The following RNF111 variants were observed in gnomAD, a reference collection of about 807,000 sequenced individuals.
The protein encoded by RNF111 is ring finger protein 111, also known as E3 ubiquitin-protein ligase Arkadia.
RNF111 carries 17 observed loss-of-function variants against 95.1 expected under a neutral mutation model. The observed-to-expected ratio is 0.18, with a 90% CI of 0.12 to 0.27. The LOEUF (loss-of-function observed/expected upper bound fraction) is 0.27, where lower values mean the gene tolerates loss of function less well. Ranked by LOEUF, RNF111 falls within the 10% of genes least tolerant of loss-of-function variation. The pLI, the probability that RNF111 is intolerant of heterozygous loss-of-function variation, is 1.00. For missense variants in RNF111, 1,189 were observed against 1,210.4 expected (o/e 0.98, Z 0.26); for synonymous variants, 440 against 414.8 (o/e 1.06, Z -0.74).
chr15:58,996,251 G>T (rs567206095), intron 1 of RNF111, among the ~76,000 whole-genome samples: 18 of 152,202 alleles, frequency 1.2e-4, no homozygotes, highest in Non-Finnish European at 2.1e-4. Flanking sequence ...GAAGAAAACT[G>T]TTGCTTTTTA....
chr15:59,080,861 C>A (rs1244477525), intron 7 of RNF111, 75 bp from the exon 8 acceptor site: 1 of 1,146,504 alleles, frequency 8.7e-7, no homozygotes, highest in South Asian at 1.5e-5. Context: ...TAAAAGTACA[C>A]TAGGAATGTA....
At chr15:59,078,893 G>C (rs1374478107) in intron 7 of RNF111, among the ~76,000 whole-genome samples, 1 of 151,742 alleles carries the variant, frequency 6.6e-6, no homozygotes, top group Non-Finnish European at 1.5e-5. Flanking sequence ...GAGAGGTATA[G>C]GTAAGGCTAC....
rs1411695049 is a variant in RNF111 at position 59,055,969 on chromosome 15, A to AT, written c.1171+130dup. 8 of 735,924 alleles carry AT rather than the reference A, an allele frequency of 1.1e-5. 1 individual carries two copies. The highest frequency in any genetic ancestry group is 3.2e-5 in the East Asian group (1 of 31,560). The allele number at this position is 735,924 out of a possible 1,614,324, so 45.6% of individuals were successfully genotyped here. On this transcript the variant is annotated intron_variant, in intron 4 of 13. Coordinates refer to ENST00000348370, the MANE Select transcript of RNF111 (RefSeq NM_017610.8). ...TATTAAACTACAGGGAAATTGTCAG[A>AT]TTTTTTAATCTCGTTTTTAATTGAT...
intron 10 of RNF111, among the ~76,000 whole-genome samples, chr15:59,086,581 T>C (rs1285818346): frequency 1.3e-5 from 2 of 152,246 alleles, no homozygotes; most frequent in African/African-American, 4.8e-5. Context: ...GGGAATAGTT[T>C]TGTGTTGTTG....
At chr15:59,022,973 G>A (rs759675242) in intron 1 of RNF111, among the ~76,000 whole-genome samples, 3 of 152,308 alleles carry the variant, frequency 2.0e-5, no homozygotes, top group South Asian at 2.1e-4. Context: ...TTGGCTGGGC[G>A]CGGTGGCTTA....
intron 1 of RNF111, among the ~76,000 whole-genome samples, chr15:59,013,270 C>G (rs555961301): frequency 6.6e-6 from 1 of 152,294 alleles, no homozygotes; most frequent in African/African-American, 2.4e-5. Context: ...CACTCAGTTA[C>G]CCTTGTTGTT....
At chr15:58,999,631 C>T (rs150335715) in intron 1 of RNF111, among the ~76,000 whole-genome samples, 3 of 152,222 alleles carry the variant, frequency 2.0e-5, no homozygotes, top group East Asian at 1.9e-4. Context: ...CCACTGTGCC[C>T]GGCCTATTAC....
chr15:59,088,992 A>C (rs2078975114), intron 10 of RNF111, among the ~76,000 whole-genome samples: 2 of 152,182 alleles, frequency 1.3e-5, no homozygotes, highest in Non-Finnish European at 1.5e-5. Context: ...AACAGTCTGC[A>C]AACAAGACAC....
intron 1 of RNF111, among the ~76,000 whole-genome samples, chr15:58,998,593 TGAAA>T (rs1209018760): frequency 6.6e-6 from 1 of 152,176 alleles, no homozygotes; most frequent in Non-Finnish European, 1.5e-5. Context: ...CATTTTTACT[TGAAA>T]GAAGCAAACT....
intron 1 of RNF111, among the ~76,000 whole-genome samples, chr15:59,015,708 G>A (rs1170438605): frequency 6.6e-6 from 1 of 151,480 alleles, no homozygotes; most frequent in Admixed American, 6.6e-5. Flanking sequence ...TGTTTGAAGT[G>A]AATATTCTTC....
chr15:59,082,559 C>T (rs1443105013), intron 8 of RNF111, among the ~76,000 whole-genome samples: 2 of 152,106 alleles, frequency 1.3e-5, no homozygotes, highest in Non-Finnish European at 2.9e-5. Context: ...TCTAATTCTG[C>T]CTACTGATTT....
Position 59,011,936 on chromosome 15 carries a change from G to A in RNF111, c.-19-18868G>A, listed in dbSNP as rs140481464. 9.0e-3 allele frequency among the ~76,000 whole-genome samples: 1,364 copies of A among 150,772 alleles called. 8 individuals carry two copies. Among genetic ancestry groups the A allele is most frequent in the Middle Eastern group, 0.017 (5 of 288 alleles). On this transcript the variant is annotated intron_variant, in intron 1 of 13. Coordinates refer to ENST00000348370, the MANE Select transcript of RNF111 (RefSeq NM_017610.8). ...ACCAAACTAGGATTGTCAAAGTTGG[G>A]ACCAAAGATTCCTAGCTTATATAAG...
Position 59,031,367 on chromosome 15 carries a change from A to C in RNF111, c.545A>C (p.His182Pro). Residue 182 changes from histidine to proline, a missense_variant, in exon 2 of 14, where the codon CAT (histidine) becomes CCT (proline). Around this residue, in one of 2 missense-constraint regions of RNF111, gnomAD observed 1,024 missense variants for 925.9 expected, o/e 1.11. Coordinates refer to ENST00000348370, the MANE Select transcript of RNF111 (RefSeq NM_017610.8). Reference protein sequence around the residue: ...AKSRSHSARSHKWPRTETESV... With the variant: ...AKSRSHSARSPKWPRTETESV... ...AGTAGAAGCCATAGTGCACGGTCTC[A>C]TAAGTGGCCTCGGACTGAGACAGAA... 1.2e-6 allele frequency: 2 copies of C among 1,614,196 alleles called. No individual in the cohort carries two copies. The highest frequency in any genetic ancestry group is 1.7e-6 in the Non-Finnish European group (2 of 1,180,026).
Sources: gnomAD v4.1 joint callset for allele counts (sites outside exome capture counted in the v4.1 genomes callset) on GRCh38, gnomAD v4.1.1 for gene constraint, gnomAD v4.1.1 regional missense constraint, MANE v1.5 for transcripts, NCBI Gene and HGNC (gene_info 2026-07-23, HGNC 2026-07-21) for gene names.